The following ADAMTS18 variants were observed in gnomAD, a reference collection of about 807,000 sequenced individuals.
ADAMTS18 encodes the protein A disintegrin and metalloproteinase with thrombospondin motifs 18.
A neutral mutation model predicts 165.9 loss-of-function variants in ADAMTS18; 157 were observed. That is an observed-to-expected ratio of 0.95 (90% CI 0.83 to 1.08). The LOEUF is 1.08. Among genes scored for constraint, ADAMTS18 ranks in the 50% least tolerant of loss-of-function variants. The pLI, the probability that ADAMTS18 is intolerant of heterozygous loss-of-function variation, is 0.00. For synonymous variants in ADAMTS18, 782 were observed against 578.2 expected, an observed-to-expected ratio of 1.35 and a Z score of -5.06; for missense variants, 2,040 against 1,534.0, an observed-to-expected ratio of 1.33 and a Z score of -5.51.
At chr16:77,291,501 TA>T in intron 20 of ADAMTS18, 23 bp from the exon 21 acceptor site, 1 of 1,611,046 alleles carries the variant, frequency 6.2e-7, no homozygotes, top group Non-Finnish European at 8.5e-7. Flanking sequence ...ACAGGATGTG[TA>T]AAAGTGAAGA....
At chr16:77,295,762 T>C (rs1478663965) in intron 18 of ADAMTS18, among the ~76,000 whole-genome samples, 1 of 152,152 alleles carries the variant, frequency 6.6e-6, no homozygotes, top group Non-Finnish European at 1.5e-5. Flanking sequence ...CTACCTTCAT[T>C]TTCTTTAAAA....
At chr16:77,328,657 C>G (rs1256973469) in intron 12 of ADAMTS18, among the ~76,000 whole-genome samples, 3 of 152,144 alleles carry the variant, frequency 2.0e-5, no homozygotes, top group Non-Finnish European at 2.9e-5. Flanking sequence ...ATATCATAGC[C>G]TCAATATTCC....
At chr16:77,301,124 T>C (rs1300612623) in intron 16 of ADAMTS18, among the ~76,000 whole-genome samples, 1 of 152,184 alleles carries the variant, frequency 6.6e-6, no homozygotes, top group Non-Finnish European at 1.5e-5. Flanking sequence ...AGGCAACAAC[T>C]TAGGATAAAT....
At position 77,431,571 on chromosome 16, in the gene ADAMTS18, C is replaced by A. The variant is rs199998944; in HGVS notation, c.219G>T (p.Gly73=). Reference sequence around the variant, plus strand: ...GCAAAATGTCGTGTGAAATATATGACCCGGCTGAGTCTACTTCTACTGGCG... The same window carrying A: ...GCAAAATGTCGTGTGAAATATATGAACCGGCTGAGTCTACTTCTACTGGCG... ...FVTPVEVDSA[G]SYISHDILHN... Residue 73 remains glycine (G), a synonymous_variant, in exon 3 of 23, where the codon GGG becomes GGT. Coordinates refer to ENST00000282849, the MANE Select transcript of ADAMTS18 (RefSeq NM_199355.4). 6.2e-7 allele frequency: 1 copy of A among 1,614,158 alleles called. No individual in the cohort carries two copies. The highest frequency in any genetic ancestry group is 8.5e-7 in the Non-Finnish European group (1 of 1,180,038).
chr16:77,319,780 C>G, intron 16 of ADAMTS18, 69 bp downstream of exon 16: 1 of 1,610,834 alleles, frequency 6.2e-7, no homozygotes, highest in Non-Finnish European at 8.5e-7. Flanking sequence ...GGAGTTCTGG[C>G]TCAAATTGCA....
chr16:77,345,769 T>A (rs2056466509), intron 10 of ADAMTS18, among the ~76,000 whole-genome samples: 1 of 152,300 alleles, frequency 6.6e-6, no homozygotes, highest in Non-Finnish European at 1.5e-5. Context: ...AACATTTGCA[T>A]CATTATGGAG....
intron 7 of ADAMTS18, among the ~76,000 whole-genome samples, chr16:77,360,242 C>T (rs1358963868): frequency 1.3e-5 from 2 of 152,262 alleles, no homozygotes; most frequent in Admixed American, 6.5e-5. Context: ...TTACTACCAT[C>T]GTCATCGTCA....
chr16:77,385,157 C>T (rs2057088908), intron 3 of ADAMTS18, among the ~76,000 whole-genome samples: 1 of 152,180 alleles, frequency 6.6e-6, no homozygotes, highest in Non-Finnish European at 1.5e-5. Flanking sequence ...GATCCACTCA[C>T]CTCAGCCTCC....
At position 77,284,044 on chromosome 16, in the gene ADAMTS18, T is replaced by G; in HGVS notation, c.3578A>C (p.Asn1193Thr). The change falls in exon 23 of 23, where the codon AAC (asparagine) becomes ACC (threonine). Residue 1193 changes from asparagine (N) to threonine (T), a missense_variant. Physicochemically the swap from Asn to Thr is moderately conservative, Grantham distance 65. Transcript: ENST00000282849. ...ATGCTGAGGAACTAGGTGACACCAG[T>G]TGAAGAAATCTACGCAGGATGGATC... ...REDPSCVDFF[N>T]WCHLVPQHGV... 1 of 1,613,860 alleles carries G rather than the reference T, an allele frequency of 6.2e-7. No homozygotes were observed. Among genetic ancestry groups the G allele is most frequent in the African/African-American group, 1.3e-5 (1 of 75,026 alleles).
intron 11 of ADAMTS18, among the ~76,000 whole-genome samples, chr16:77,338,595 C>G (rs1277118160): frequency 6.6e-6 from 1 of 151,882 alleles, no homozygotes; most frequent in Non-Finnish European, 1.5e-5. Context: ...ATGACTTAGG[C>G]CATTATCTTT....
intron 13 of ADAMTS18, 45 bp from the exon 14 acceptor site, chr16:77,322,511 A>T (rs1471801182): frequency 6.2e-7 from 1 of 1,605,244 alleles, no homozygotes; most frequent in African/African-American, 1.3e-5. Context: ...AGAGGAAACT[A>T]AGGAAAAATG....
At chr16:77,339,881 A>C (rs2056372603) in intron 11 of ADAMTS18, among the ~76,000 whole-genome samples, 1 of 151,138 alleles carries the variant, frequency 6.6e-6, no homozygotes, top group Non-Finnish European at 1.5e-5. Flanking sequence ...TTTAAGAGAT[A>C]GTGAATAAAT....
intron 16 of ADAMTS18, among the ~76,000 whole-genome samples, chr16:77,312,453 G>C (rs574856364): frequency 2.0e-5 from 3 of 152,194 alleles, no homozygotes; most frequent in South Asian, 2.1e-4. Context: ...GGCTGGGCTG[G>C]TCTCGAACTC....
chr16:77,401,469 A>T (rs931099487), intron 3 of ADAMTS18, among the ~76,000 whole-genome samples: 3 of 152,350 alleles, frequency 2.0e-5, no homozygotes, highest in Middle Eastern at 6.8e-3. Context: ...GAACATTTAA[A>T]TAATTTGCCC....
intron 11 of ADAMTS18, among the ~76,000 whole-genome samples, chr16:77,338,719 C>T (rs1208817123): frequency 2.0e-5 from 3 of 151,530 alleles, no homozygotes; most frequent in Admixed American, 2.0e-4. Flanking sequence ...TTTGGGAGGC[C>T]AAGGCGGATG....
chr16:77,306,897 C>T (rs1173238403), intron 16 of ADAMTS18, among the ~76,000 whole-genome samples: 1 of 152,182 alleles, frequency 6.6e-6, no homozygotes, highest in Non-Finnish European at 1.5e-5. Context: ...CCTAAAACCT[C>T]ACATCTTCAC....
At chr16:77,433,104 C>A (rs1434953125) in intron 2 of ADAMTS18, among the ~76,000 whole-genome samples, 1 of 152,158 alleles carries the variant, frequency 6.6e-6, no homozygotes, top group Non-Finnish European at 1.5e-5. Context: ...TCTTAAAAAT[C>A]TGATACATTG....
At chr16:77,428,617 A>G (rs191017514) in intron 3 of ADAMTS18, among the ~76,000 whole-genome samples, 37 of 152,272 alleles carry the variant, frequency 2.4e-4, no homozygotes, top group African/African-American at 8.9e-4. Flanking sequence ...GCTGCTTGTC[A>G]GTACTCATTA....
At chr16:77,353,972 C>G in intron 9 of ADAMTS18, 86 bp from the exon 10 acceptor site, 1 of 1,513,484 alleles carries the variant, frequency 6.6e-7, no homozygotes, top group South Asian at 1.1e-5. Context: ...TGCATTCATG[C>G]AAAGAAAAAT....
Sources: allele counts gnomAD v4.1 joint callset (sites outside exome capture counted in the v4.1 genomes callset), GRCh38; gene constraint gnomAD v4.1.1; transcripts MANE v1.5; gene names NCBI Gene and HGNC (gene_info 2026-07-23, HGNC 2026-07-21).